C16orf96: variants seen among roughly 807,000 people sequenced by gnomAD.
The protein encoded by C16orf96 is uncharacterized protein C16orf96.
C16orf96 carries 108 observed loss-of-function variants against 103.6 expected under a neutral mutation model. The observed-to-expected ratio is 1.04, with a 90% CI of 0.89 to 1.22. The LOEUF (loss-of-function observed/expected upper bound fraction) is 1.22. Among genes scored for constraint, C16orf96 ranks in the 50% most tolerant of loss-of-function variants. C16orf96 has a pLI of 0.00. For synonymous variants in C16orf96, 566 were observed against 593.5 expected (o/e 0.95, Z 0.67); for missense variants, 1,586 against 1,464.2 (o/e 1.08, Z -1.36).
At chr16:4,582,919 C>A (rs920564394) in intron 7 of C16orf96, among the ~76,000 whole-genome samples, 1 of 152,190 alleles carries the variant, frequency 6.6e-6, no homozygotes, top group Non-Finnish European at 1.5e-5. Context: ...GTTGTCCCAG[C>A]TTCCTGGCTC....
At chr16:4,542,693 G>T in the C16orf96 span, among the ~76,000 whole-genome samples, 1 of 152,110 alleles carries the variant, frequency 6.6e-6, no homozygotes, top group Non-Finnish European at 1.5e-5. Flanking sequence ...AGCTACTCGG[G>T]AGGCTGAGGC....
chr16:4,600,372 GC>G lies in C16orf96; in HGVS notation c.*58del. ...AGTCCCCTCCACGTCCGAGGCTGAG[GC>G]CCATGTGGCCCTCCCACTCCCACCA... On this transcript the variant is annotated 3_prime_UTR_variant, in exon 16 of 16. Coordinates refer to ENST00000444310, the MANE Select transcript of C16orf96 (RefSeq NM_001145011.2). 1.6e-6 allele frequency: 2 copies of G among 1,278,494 alleles called. No homozygotes were observed. The highest frequency in any genetic ancestry group is 2.2e-6 in the Non-Finnish European group (2 of 914,272). 79.2% of individuals were successfully genotyped at this position (1,278,494 alleles called of 1,614,324 possible). A position where few individuals can be genotyped will look rare whatever the true frequency, so the allele number is the denominator to read the frequency against.
upstream of C16orf96, among the ~76,000 whole-genome samples, chr16:4,555,097 C>G: frequency 6.6e-6 from 1 of 151,570 alleles, no homozygotes; most frequent in East Asian, 2.1e-4. Flanking sequence ...ACCCCATCTC[C>G]ACTAAAAATA....
Position 4,599,343 on chromosome 16 carries a change from C to G in C16orf96, c.3187C>G (p.Leu1063Val), listed in dbSNP as rs1897237992. The G allele has an allele frequency of 1.9e-6, 3 of 1,551,660 alleles. No individual in the cohort carries two copies. Among genetic ancestry groups the G allele is most frequent in the South Asian group, 1.2e-5 (1 of 84,068 alleles). ...GTATGACCGTGTGCACTCCAGTGCC[C>G]TATTTGGCGCCATCTGCCCCCGTGA... The part of the protein sequence containing the change: ...SLYDRVHSSA[L>V]FGAICPPLCP... Residue 1063 changes from leucine to valine, a missense_variant, in exon 15 of 16, where the codon CTA (leucine) becomes GTA (valine). By Grantham distance (32) the Leu-to-Val change is conservative. Transcript: ENST00000444310.
the C16orf96 span, among the ~76,000 whole-genome samples, chr16:4,539,225 C>G: frequency 6.6e-6 from 1 of 152,198 alleles, no homozygotes; most frequent in African/African-American, 2.4e-5. Context: ...CCAGGTTGTC[C>G]TTGTTCATTC....
chr16:4,553,954 G>A (rs924457226), upstream of C16orf96, among the ~76,000 whole-genome samples: 1 of 152,172 alleles, frequency 6.6e-6, no homozygotes, highest in Admixed American at 6.5e-5. Flanking sequence ...ACTCAATGTG[G>A]AATCCCTCAG....
chr16:4,572,607 A>C (rs2141714427), intron 2 of C16orf96, among the ~76,000 whole-genome samples: 1 of 152,126 alleles, frequency 6.6e-6, no homozygotes, highest in East Asian at 1.9e-4. Flanking sequence ...GGCAATACTG[A>C]CGTTTCTCAG....
chr16:4,588,641 A>G (rs1240809678), intron 9 of C16orf96, among the ~76,000 whole-genome samples: 3 of 151,040 alleles, frequency 2.0e-5, no homozygotes, highest in Admixed American at 2.0e-4. Context: ...TCCTCATGAC[A>G]TTGCAGCTGA....
Position 4,600,362 on chromosome 16 carries a change from C to G in C16orf96, c.*45C>G, listed in dbSNP as rs1183742381. The G allele has an allele frequency of 7.2e-7, 1 of 1,396,020 alleles. No individual in the cohort carries two copies. Among genetic ancestry groups the G allele is most frequent in the Non-Finnish European group, 9.8e-7 (1 of 1,016,442 alleles). The allele number at this position is 1,396,020 out of a possible 1,614,324, so 86.5% of individuals were successfully genotyped here. On this transcript the variant is annotated 3_prime_UTR_variant, in exon 16 of 16. Transcript: ENST00000444310. ...CCCATCGCCAAGTCCCCTCCACGTC[C>G]GAGGCTGAGGCCCATGTGGCCCTCC...
At chr16:4,548,742 G>A in the C16orf96 span, among the ~76,000 whole-genome samples, 2 of 152,208 alleles carry the variant, frequency 1.3e-5, no homozygotes, top group South Asian at 4.1e-4. Flanking sequence ...GCGTGGTGGT[G>A]CATGCCTATA....
At chr16:4,542,634 T>TA in the C16orf96 span, among the ~76,000 whole-genome samples, 1 of 151,802 alleles carries the variant, frequency 6.6e-6, no homozygotes, top group African/African-American at 2.4e-5. Flanking sequence ...CCGTCTCTAC[T>TA]AAAAATACAA....
chr16:4,558,083 A>T (rs1006649385), intron 1 of C16orf96, among the ~76,000 whole-genome samples: 4 of 152,210 alleles, frequency 2.6e-5, no homozygotes, highest in African/African-American at 9.6e-5. Context: ...AGTGAGTGAG[A>T]ATCTCCAAGA....
intron 7 of C16orf96, among the ~76,000 whole-genome samples, chr16:4,581,792 A>G (rs2059592020): frequency 6.6e-6 from 1 of 151,716 alleles, no homozygotes; most frequent in Admixed American, 6.6e-5. Flanking sequence ...TCTCTACAAA[A>G]AAAAAATTAT....
chr16:4,571,844 T>G (rs539704701), intron 2 of C16orf96, among the ~76,000 whole-genome samples, 179 bp downstream of exon 2: 2 of 151,150 alleles, frequency 1.3e-5, no homozygotes, highest in East Asian at 1.9e-4. Flanking sequence ...CTCCATGCTT[T>G]CTTTTCTTTT....
At chr16:4,576,702 G>A in intron 5 of C16orf96, 67 bp downstream of exon 5, 1 of 1,426,698 alleles carries the variant, frequency 7.0e-7, no homozygotes, top group South Asian at 1.4e-5. Flanking sequence ...TTTGAGAAGT[G>A]TGTCCTGTCC....
At position 4,590,561 on chromosome 16, in the gene C16orf96, A is replaced by AAAAT. The variant is rs759063280; in HGVS notation, c.2593-1085_2593-1082dup. Among the ~76,000 whole-genome samples the AAAAT allele has an allele frequency of 8.2e-4, 124 of 150,372 alleles. 1 individual carries two copies. Among genetic ancestry groups the AAAAT allele is most frequent in the Admixed American group, 1.6e-3 (24 of 15,000 alleles). On this transcript the variant is annotated intron_variant, in intron 9 of 15. Transcript: ENST00000444310. ...GCAACAGAAGTGAAACTCTGTCTCA[A>AAAAT]AAATAAATAAATAAATAAATAAAAT... is the stretch of plus-strand genomic sequence containing the variant.
chr16:4,578,697 G>A (rs1012437877), intron 5 of C16orf96, among the ~76,000 whole-genome samples: 10 of 152,144 alleles, frequency 6.6e-5, no homozygotes, highest in African/African-American at 9.7e-5. Context: ...GGCGGAAGTT[G>A]TAGTGAGCCG....
At chr16:4,565,916 C>G (rs2141702442) in intron 1 of C16orf96, among the ~76,000 whole-genome samples, 1 of 152,344 alleles carries the variant, frequency 6.6e-6, no homozygotes, top group East Asian at 1.9e-4. Flanking sequence ...CACCATAGCT[C>G]ACTGCAGCCT....
chr16:4,540,224 G>A, the C16orf96 span, among the ~76,000 whole-genome samples: 8 of 152,172 alleles, frequency 5.3e-5, no homozygotes, highest in East Asian at 3.8e-4. Flanking sequence ...AGGAAGGGAC[G>A]CCCTAACAGA....
Sources: allele counts gnomAD v4.1 joint callset (sites outside exome capture counted in the v4.1 genomes callset), GRCh38; gene constraint gnomAD v4.1.1; transcripts MANE v1.5; gene names NCBI Gene and HGNC (gene_info 2026-07-23, HGNC 2026-07-21).